RCOR1: variants seen among roughly 807,000 people sequenced by gnomAD.
RCOR1 encodes REST corepressor.
Under a neutral mutation model 64.0 loss-of-function variants are expected in RCOR1, and 12 were observed. The ratio of observed to expected loss-of-function variants is 0.19; its 90% confidence interval spans 0.12 to 0.30. RCOR1 has a LOEUF of 0.30. Ranked by LOEUF, RCOR1 falls within the 10% of genes least tolerant of loss-of-function variation. The pLI is 1.00. For missense variants in RCOR1, 502 were observed against 621.2 expected, an observed-to-expected ratio of 0.81 and a Z score of 2.04; for synonymous variants, 279 against 227.2, an observed-to-expected ratio of 1.23 and a Z score of -2.05.
chr14:102,639,264 CTTTTTTT>C (rs11306200), intron 2 of RCOR1, among the ~76,000 whole-genome samples: 1 of 125,562 alleles, frequency 8.0e-6, no homozygotes, highest in Non-Finnish European at 1.7e-5. Context: ...TTCTTTCTTT[CTTTTTTT>C]TTTTTTTTTT....
chr14:102,678,215 G>A (rs1200171239), intron 2 of RCOR1, among the ~76,000 whole-genome samples: 1 of 143,522 alleles, frequency 7.0e-6, no homozygotes. Context: ...GGAGAGAGAG[G>A]GAGACGAGAG....
chr14:102,595,868 C>G, intron 2 of RCOR1, among the ~76,000 whole-genome samples: 1 of 152,114 alleles, frequency 6.6e-6, no homozygotes, highest in East Asian at 1.9e-4. Context: ...CATGTGCCAC[C>G]GCGCCCGGCC....
intron 4 of RCOR1, among the ~76,000 whole-genome samples, chr14:102,705,616 CTTG>C (rs912208453): frequency 5.9e-5 from 9 of 152,110 alleles, no homozygotes; most frequent in South Asian, 2.1e-4. Flanking sequence ...GCCTGGCTAA[CTTG>C]TTGTTGTTTG....
In RCOR1 at chr14:102,728,698, A is replaced by C. The variant is rs1036510560; in HGVS notation, c.*2192A>C. On this transcript the variant is annotated 3_prime_UTR_variant, in exon 12 of 12. Coordinates refer to ENST00000262241, the MANE Select transcript of RCOR1 (RefSeq NM_015156.4). ...TGCCAGGCCTTGATCTGTATTCTGC[A>C]CTATCCCTTTACTTGGTTCCTGGCA... The C allele has an allele frequency of 6.6e-6, 1 of 152,154 alleles. No homozygotes were observed. The highest frequency in any genetic ancestry group is 1.5e-5 in the Non-Finnish European group (1 of 68,036). The allele number at this position is 152,154 out of a possible 1,614,324, so 9.4% of individuals were successfully genotyped here. A position where few individuals can be genotyped will look rare whatever the true frequency, so the allele number is the denominator to read the frequency against.
rs932245930 is a variant in RCOR1, at chr14:102,627,581, C to G, written c.361+34256C>G. On this transcript the variant is annotated intron_variant, in intron 2 of 11. Coordinates refer to ENST00000262241, the MANE Select transcript of RCOR1 (RefSeq NM_015156.4). ...CTGAGGCAGGAGAATCGCTTGAACC[C>G]GGGAGGCAGAGGTTGCAGTGAGCTG... Among the ~76,000 whole-genome samples, 10 of 151,736 alleles carry G rather than the reference C, an allele frequency of 6.6e-5. No individual in the cohort carries two copies. In the East Asian group the frequency reaches 1.9e-3, roughly 29 times the overall value.
intron 2 of RCOR1, chr14:102,649,928 G>T (rs867261392): frequency 7.3e-5 from 20 of 274,784 alleles, no homozygotes; most frequent in Non-Finnish European, 1.0e-4. Context: ...GGCCGGGCGC[G>T]GTGGCTCACA....
chr14:102,654,275 T>C (rs1475127905), intron 2 of RCOR1, among the ~76,000 whole-genome samples: 1 of 152,032 alleles, frequency 6.6e-6, no homozygotes, highest in Non-Finnish European at 1.5e-5. Context: ...GTCTGAGCCA[T>C]TGCGCCCGGC....
chr14:102,667,297 T>C (rs1397986255), intron 2 of RCOR1, among the ~76,000 whole-genome samples: 1 of 152,026 alleles, frequency 6.6e-6, no homozygotes, highest in Non-Finnish European at 1.5e-5. Flanking sequence ...GGTCAGGAGT[T>C]CGAGACCAGC....
intron 2 of RCOR1, among the ~76,000 whole-genome samples, chr14:102,650,292 T>A (rs978178985): frequency 1.3e-5 from 2 of 148,368 alleles, no homozygotes; most frequent in Admixed American, 1.4e-4. Context: ...GAGAATCACT[T>A]GAGGTCAGGA....
At chr14:102,704,033 A>G (rs909806726) in intron 4 of RCOR1, among the ~76,000 whole-genome samples, 1 of 152,204 alleles carries the variant, frequency 6.6e-6, no homozygotes, top group Non-Finnish European at 1.5e-5. Flanking sequence ...CATATAATCT[A>G]GTCAGATAGC....
At chr14:102,703,488 T>C (rs1595238035) in intron 4 of RCOR1, among the ~76,000 whole-genome samples, 1 of 152,318 alleles carries the variant, frequency 6.6e-6, no homozygotes, top group East Asian at 1.9e-4. Flanking sequence ...TAAGGGATCC[T>C]GAATAAGCTT....
Position 102,613,885 on chromosome 14 carries a change from C to CTT in RCOR1, c.361+20583_361+20584dup, listed in dbSNP as rs71119719. Among the ~76,000 whole-genome samples, 483 of 55,476 alleles carry CTT rather than the reference C, an allele frequency of 8.7e-3. 9 individuals are homozygous for CTT. The highest frequency in any genetic ancestry group is 0.018 in the South Asian group (25 of 1,378). 36.4% of individuals were successfully genotyped at this position (55,476 alleles called of 152,430 possible). On this transcript the variant is annotated intron_variant, in intron 2 of 11. Transcript: ENST00000262241. ...TAGGTTGTTTTTTGAATTAACTATT[C>CTT]TTTTTTTTTTTTTTTTTTTTTTTTG...
At chr14:102,676,334 G>C (rs1225511995) in intron 2 of RCOR1, among the ~76,000 whole-genome samples, 2 of 136,268 alleles carry the variant, frequency 1.5e-5, no homozygotes, top group Non-Finnish European at 3.2e-5. Flanking sequence ...CTGGCCGGGC[G>C]GGGGGCTGAC....
chr14:102,705,484 A>G (rs960906682), intron 4 of RCOR1, among the ~76,000 whole-genome samples: 3 of 152,162 alleles, frequency 2.0e-5, no homozygotes, highest in Admixed American at 6.5e-5. Flanking sequence ...TTGCTCTGTC[A>G]TCCATGCTGG....
chr14:102,672,999 G>T (rs1373723600), intron 2 of RCOR1, among the ~76,000 whole-genome samples: 1 of 152,192 alleles, frequency 6.6e-6, no homozygotes, highest in Admixed American at 6.5e-5. Flanking sequence ...ATACAGTGAA[G>T]GGTTTCTCAC....
chr14:102,598,295 G>T (rs1375610247), intron 2 of RCOR1, among the ~76,000 whole-genome samples: 1 of 152,154 alleles, frequency 6.6e-6, no homozygotes, highest in Non-Finnish European at 1.5e-5. Flanking sequence ...CGGTATGCCA[G>T]CTTGACCCTA....
At chr14:102,636,261 A>T (rs10400790) in intron 2 of RCOR1, among the ~76,000 whole-genome samples, 2,272 of 151,304 alleles carry the variant, frequency 0.015, 30 homozygotes, top group African/African-American at 0.019. Context: ...TCTAAAAAAA[A>T]TTTTTTTTAA....
chr14:102,626,051 C>G (rs921178719), intron 2 of RCOR1, among the ~76,000 whole-genome samples: 6 of 152,208 alleles, frequency 3.9e-5, no homozygotes, highest in African/African-American at 1.4e-4. Flanking sequence ...ACTTAGCACT[C>G]TACATCCTCC....
At chr14:102,604,594 A>G (rs1893466708) in intron 2 of RCOR1, among the ~76,000 whole-genome samples, 1 of 152,210 alleles carries the variant, frequency 6.6e-6, no homozygotes, top group Non-Finnish European at 1.5e-5. Flanking sequence ...GTTGAACCTA[A>G]TAACTTGCCG....
Sources: allele counts gnomAD v4.1 joint callset (sites outside exome capture counted in the v4.1 genomes callset), GRCh38; gene constraint gnomAD v4.1.1; transcripts MANE v1.5; gene names NCBI Gene and HGNC (gene_info 2026-07-23, HGNC 2026-07-21).